PRKCB: variants seen among roughly 807,000 people sequenced by gnomAD.
PRKCB encodes protein kinase C beta, also known as protein kinase C beta type.
Under a neutral mutation model 81.5 loss-of-function variants are expected in PRKCB, and 13 were observed. The ratio of observed to expected loss-of-function variants is 0.16; its 90% CI spans 0.10 to 0.25. PRKCB has a LOEUF of 0.25. PRKCB is among the 10% of genes least tolerant of loss of function. PRKCB has a pLI of 1.00. For synonymous variants in PRKCB, 335 were observed against 321.4 expected, an observed-to-expected ratio of 1.04 and a Z score of -0.45; for missense variants, 509 against 875.7, an observed-to-expected ratio of 0.58 and a Z score of 5.29.
At chr16:24,072,464 G>A (rs1172960195) in intron 5 of PRKCB, among the ~76,000 whole-genome samples, 1 of 151,940 alleles carries the variant, frequency 6.6e-6, no homozygotes, top group Non-Finnish European at 1.5e-5. Context: ...TAAAGATGGG[G>A]GTCTCCAACT....
intron 8 of PRKCB, among the ~76,000 whole-genome samples, chr16:24,122,996 A>G (rs1343141095): frequency 6.6e-6 from 1 of 152,226 alleles, no homozygotes; most frequent in Non-Finnish European, 1.5e-5. Context: ...GTTGGGAACT[A>G]TACTAGTTGT....
At chr16:23,957,551 G>A (rs942805562) in intron 2 of PRKCB, among the ~76,000 whole-genome samples, 1 of 152,160 alleles carries the variant, frequency 6.6e-6, no homozygotes, top group Non-Finnish European at 1.5e-5. Flanking sequence ...TTTACTGGGG[G>A]CCAGTGCCCT....
chr16:24,174,234 A>G (rs1967492212), intron 11 of PRKCB: 3 of 311,406 alleles, frequency 9.6e-6, no homozygotes, highest in Non-Finnish European at 1.2e-5. Context: ...AGCTAGTGAA[A>G]CTATAATCCT....
intron 2 of PRKCB, among the ~76,000 whole-genome samples, chr16:23,867,130 TCTTTC>T (rs1332028838): frequency 1.6e-5 from 2 of 125,976 alleles, no homozygotes; most frequent in East Asian, 4.0e-4. Flanking sequence ...TCCTTTCCTT[TCTTTC>T]CTTTCTTACT....
intron 3 of PRKCB, among the ~76,000 whole-genome samples, chr16:24,020,303 G>A (rs2141844050): frequency 6.6e-6 from 1 of 152,244 alleles, no homozygotes; most frequent in Non-Finnish European, 1.5e-5. Context: ...AAATAAAAAT[G>A]GCAGTACTGA....
chr16:24,154,412 T>G (rs409636), intron 9 of PRKCB, among the ~76,000 whole-genome samples: 55,293 of 152,008 alleles, frequency 0.36, 10,430 homozygotes, highest in South Asian at 0.47. Context: ...GAGCCCAGGA[T>G]TTCGAGTCCG....
chr16:23,872,264 T>C (rs1423392336), intron 2 of PRKCB, among the ~76,000 whole-genome samples: 2 of 152,198 alleles, frequency 1.3e-5, no homozygotes, highest in Non-Finnish European at 2.9e-5. Flanking sequence ...TCACAAGTTG[T>C]GGAAATTCAC....
chr16:24,055,210 C>T (rs1171114643), intron 5 of PRKCB, among the ~76,000 whole-genome samples: 2 of 152,242 alleles, frequency 1.3e-5, no homozygotes, highest in African/African-American at 4.8e-5. Flanking sequence ...TCTCCACCCA[C>T]CAAAGGCCTC....
intron 3 of PRKCB, among the ~76,000 whole-genome samples, chr16:23,992,270 C>CTGTTA (rs1964895928): frequency 6.6e-6 from 1 of 152,134 alleles, no homozygotes; most frequent in Non-Finnish European, 1.5e-5. Context: ...AATTTTGGTA[C>CTGTTA]TAACAGTGTA....
intron 2 of PRKCB, among the ~76,000 whole-genome samples, chr16:23,837,719 C>T (rs1049635953): frequency 2.6e-5 from 4 of 152,120 alleles, no homozygotes; most frequent in African/African-American, 7.2e-5. Flanking sequence ...AGTGTTTTCC[C>T]GGGACGTTTC....
chr16:24,174,307 C>G (rs1967493259), intron 11 of PRKCB: 1 of 523,080 alleles, frequency 1.9e-6, no homozygotes, highest in South Asian at 2.9e-5. Flanking sequence ...CTTCTGCCTA[C>G]CCCCAGTTTG....
At chr16:24,063,526 C>T (rs1430342522) in intron 5 of PRKCB, among the ~76,000 whole-genome samples, 1 of 152,036 alleles carries the variant, frequency 6.6e-6, no homozygotes, top group Non-Finnish European at 1.5e-5. Flanking sequence ...AACTCCTGAC[C>T]TCATGTGATC....
At chr16:23,838,793 C>T (rs922255499) in intron 2 of PRKCB, among the ~76,000 whole-genome samples, 1 of 152,130 alleles carries the variant, frequency 6.6e-6, no homozygotes, top group East Asian at 1.9e-4. Context: ...ATCGGGGTCC[C>T]GGTGGGCTCA....
At chr16:24,195,492 A>G (rs1382254589) in intron 16 of PRKCB, among the ~76,000 whole-genome samples, 1 of 152,216 alleles carries the variant, frequency 6.6e-6, no homozygotes, top group Non-Finnish European at 1.5e-5. Context: ...AGGAACAATA[A>G]CAGAGGATTA....
chr16:23,906,129 G>C (rs1385468704), intron 2 of PRKCB, among the ~76,000 whole-genome samples: 2 of 152,182 alleles, frequency 1.3e-5, no homozygotes, highest in African/African-American at 4.8e-5. Flanking sequence ...TGATGTTGCT[G>C]AATTGCTTTC....
At chr16:24,185,875 T>C (rs530479005) in intron 15 of PRKCB, among the ~76,000 whole-genome samples, 7 of 152,324 alleles carry the variant, frequency 4.6e-5, no homozygotes, top group African/African-American at 1.7e-4. Flanking sequence ...AGAGATTTTG[T>C]CAAAGAGCTG....
chr16:24,144,041 G>C (rs1451152680), intron 9 of PRKCB, among the ~76,000 whole-genome samples: 1 of 152,090 alleles, frequency 6.6e-6, no homozygotes, highest in Non-Finnish European at 1.5e-5. Context: ...CTCAAAAAAC[G>C]ATTTTCATTA....
Position 24,154,796 on chromosome 16 carries a change from T to C in PRKCB, c.1178T>C (p.Val393Ala). 1 of 1,614,146 alleles carries C rather than the reference T, an allele frequency of 6.2e-7. No individual in the cohort carries two copies. The highest frequency in any genetic ancestry group is 8.5e-7 in the Non-Finnish European group (1 of 1,180,010). Residue 393 changes from valine (V) to alanine (A), a missense_variant, in exon 10 of 17, where the codon GTG becomes GCG. Around this residue, in one of 6 missense-constraint regions of PRKCB, gnomAD observed 106 missense variants for 214.0 expected, o/e 0.50. Coordinates refer to ENST00000643927, the MANE Select transcript of PRKCB (RefSeq NM_002738.7). ...GAGTGCACTATGGTGGAGAAGCGGG[T>C]GTTGGCCCTGCCTGGGAAGCCGCCC... ...DVECTMVEKR[V>A]LALPGKPPFL... is the part of the protein sequence containing the mutation.
chr16:23,939,921 A>G (rs1175218138), intron 2 of PRKCB, among the ~76,000 whole-genome samples: 1 of 152,186 alleles, frequency 6.6e-6, no homozygotes, highest in Non-Finnish European at 1.5e-5. Context: ...GCAAACTACA[A>G]TCTGGACCAA....
Sources: allele counts gnomAD v4.1 joint callset (sites outside exome capture counted in the v4.1 genomes callset), GRCh38; gene constraint gnomAD v4.1.1; regional missense constraint gnomAD v4.1.1; transcripts MANE v1.5; gene names NCBI Gene and HGNC (gene_info 2026-07-23, HGNC 2026-07-21).